SUN2: variants seen among roughly 807,000 people sequenced by gnomAD.
The protein encoded by SUN2 is SUN domain-containing protein 2.
In SUN2, 60 loss-of-function variants were observed where a neutral mutation model predicts 100.0. The observed-to-expected ratio is 0.60, with a 90% CI of 0.49 to 0.74. SUN2 has a LOEUF of 0.74. SUN2 is among the 30% of genes least tolerant of loss of function. The pLI is 0.00. For synonymous variants in SUN2, 367 were observed against 403.3 expected, an observed-to-expected ratio of 0.91 and a Z score of 1.08; for missense variants, 834 against 954.6, an observed-to-expected ratio of 0.87 and a Z score of 1.66.
In SUN2 at chr22:38,737,988, C is replaced by T; in HGVS notation, c.2040+185G>A. 1 of 715,352 alleles carries T rather than the reference C, an allele frequency of 1.4e-6. No individual in the cohort carries two copies. The highest frequency in any genetic ancestry group is 2.6e-6 in the Non-Finnish European group (1 of 385,330). 44.3% of individuals were successfully genotyped at this position (715,352 alleles called of 1,614,324 possible). Reference sequence around the variant, plus strand: ...ATGCTGCCCTTCTGGAAGGTGCCTTCCCCTGTGCTGACGTCTGCAGGATGC... The same window carrying T: ...ATGCTGCCCTTCTGGAAGGTGCCTTTCCCTGTGCTGACGTCTGCAGGATGC... On this transcript the variant is annotated intron_variant, in intron 17 of 17. Transcript: ENST00000689035. The surrounding 1 kb of genome is among the most constrained non-coding windows in gnomAD (Gnocchi z 4.1).
chr22:38,751,507 G>GCCATTCCCCTGACTCTC, intron 2 of SUN2, 134 bp from the exon 3 acceptor site: 1 of 880,882 alleles, frequency 1.1e-6, no homozygotes. Flanking sequence ...ACTCGCAGCT[G>GCCATTCCCCTGACTCTC]CCATTCCCCT....
chr22:38,753,739 C>A (rs1370956358), intron 1 of SUN2, among the ~76,000 whole-genome samples: 2 of 152,118 alleles, frequency 1.3e-5, no homozygotes, highest in South Asian at 4.2e-4. Flanking sequence ...TATCATTACT[C>A]CCATCTACAA....
Position 38,738,323 on chromosome 22 carries a change from C to T in SUN2, c.1948-58G>A. 2 of 1,440,192 alleles carry T rather than the reference C, an allele frequency of 1.4e-6. No homozygotes were observed. Among genetic ancestry groups the T allele is most frequent in the Non-Finnish European group, 9.7e-7 (1 of 1,033,844 alleles). The allele number at this position is 1,440,192 out of a possible 1,614,324, so 89.2% of individuals were successfully genotyped here. A position where few individuals can be genotyped will look rare whatever the true frequency, so the allele number is the denominator to read the frequency against. On this transcript the variant is annotated intron_variant, in intron 16 of 17. Coordinates refer to ENST00000689035, the MANE Select transcript of SUN2 (RefSeq NM_015374.3). This position sits in a 1 kb window ranked among gnomAD's most constrained non-coding sequence, Gnocchi z 6.6. ...CTGGAGCAGGGAGAACACCCCTCCC[C>T]ACTCCAATCCCTGCTCCTCCCACCC...
chr22:38,739,140 G>A lies in SUN2; in HGVS notation c.1664-152C>T. On this transcript the variant is annotated intron_variant, in intron 14 of 17. Coordinates refer to ENST00000689035, the MANE Select transcript of SUN2 (RefSeq NM_015374.3). The surrounding 1 kb of genome is among the most constrained non-coding windows in gnomAD (Gnocchi z 6.7). ...ATGCTCAGAGCAGCTTTAAAGGTCAGCCTCTCCCTGGCCCAGGATGGTACT... is the reference window on the plus strand; with the variant it reads ...ATGCTCAGAGCAGCTTTAAAGGTCAACCTCTCCCTGGCCCAGGATGGTACT... 1 of 931,738 alleles carries A rather than the reference G, an allele frequency of 1.1e-6. No homozygotes were observed. Among genetic ancestry groups the A allele is most frequent in the South Asian group, 1.5e-5 (1 of 65,500 alleles). 57.7% of individuals were successfully genotyped at this position (931,738 alleles called of 1,614,324 possible).
In SUN2 at chr22:38,736,147, G is replaced by A; in HGVS notation, c.*120C>T. ...CTGCCCGTCCTTTTCATCTGCATGG[G>A]GCCACAGGCTCCTCTCTTGTGCTCC... On this transcript the variant is annotated 3_prime_UTR_variant, in exon 18 of 18. Transcript: ENST00000689035. 1.0e-6 allele frequency: 1 copy of A among 980,780 alleles called. No homozygotes were observed. The highest frequency in any genetic ancestry group is 1.4e-5 in the South Asian group (1 of 73,896). 60.8% of individuals were successfully genotyped at this position (980,780 alleles called of 1,614,324 possible).
chr22:38,743,136 C>G (rs183867027), intron 8 of SUN2: 1 of 152,302 alleles, frequency 6.6e-6, no homozygotes, highest in East Asian at 1.9e-4. Flanking sequence ...GATAGTGTGT[C>G]ATGAATTTGA....
In SUN2 at chr22:38,739,631, C is replaced by T; in HGVS notation, c.1578+91G>A. 1 of 1,469,310 alleles carries T rather than the reference C, an allele frequency of 6.8e-7. No homozygotes were observed. The highest frequency in any genetic ancestry group is 9.4e-7 in the Non-Finnish European group (1 of 1,069,320). The allele number at this position is 1,469,310 out of a possible 1,614,324, so 91.0% of individuals were successfully genotyped here. A position where few individuals can be genotyped will look rare whatever the true frequency, so the allele number is the denominator to read the frequency against. ...CCTGCTTGGCACTTCCATCCTGGAA[C>T]CTGCCAGGGAGCTGGCAGTGTGGGA... On this transcript the variant is annotated intron_variant, in intron 13 of 17. Transcript: ENST00000689035. This position sits in a 1 kb window ranked among gnomAD's most constrained non-coding sequence, Gnocchi z 6.7.
intron 9 of SUN2, 66 bp downstream of exon 9, chr22:38,742,235 C>T: frequency 6.6e-7 from 1 of 1,516,448 alleles, no homozygotes. Flanking sequence ...CTCTCTGCTG[C>T]TGGGCACCTT....
intron 1 of SUN2, chr22:38,754,603 T>TCCCC: frequency 1.1e-6 from 1 of 889,146 alleles, no homozygotes; most frequent in South Asian, 1.4e-5. Context: ...TAAGGTAATC[T>TCCCC]CCCCTCCCCC....
In SUN2 at chr22:38,739,292, G is replaced by A; in HGVS notation, c.1663+50C>T. ...CAACCTGGTAGATGCCAGGGGACCG[G>A]CCATTGCGGGGTCCAGGACAAGGCA... On this transcript the variant is annotated intron_variant, in intron 14 of 17. Coordinates refer to ENST00000689035, the MANE Select transcript of SUN2 (RefSeq NM_015374.3). The surrounding 1 kb of genome is among the most constrained non-coding windows in gnomAD (Gnocchi z 6.7). The A allele has an allele frequency of 1.3e-6, 2 of 1,581,958 alleles. No homozygotes were observed. The highest frequency in any genetic ancestry group is 1.7e-6 in the Non-Finnish European group (2 of 1,151,912).
intron 8 of SUN2, 66 bp from the exon 9 acceptor site, chr22:38,742,621 C>T (rs2092869341): frequency 1.3e-6 from 2 of 1,533,160 alleles, no homozygotes; most frequent in Non-Finnish European, 1.8e-6. Context: ...CCAAAGACCA[C>T]CCCGACACAG....
chr22:38,740,908 T>C lies in SUN2; in HGVS notation c.1190+99A>G. 1 of 1,310,390 alleles carries C rather than the reference T, an allele frequency of 7.6e-7. No individual in the cohort carries two copies. Among genetic ancestry groups the C allele is most frequent in the Non-Finnish European group, 1.1e-6 (1 of 936,356 alleles). The allele number at this position is 1,310,390 out of a possible 1,614,324, so 81.2% of individuals were successfully genotyped here. ...CCCTACCATCTGCTTGGCAAGATGA[T>C]CAGAACTCTCTGCTCTGCGGCTCTG... On this transcript the variant is annotated intron_variant, in intron 11 of 17. Transcript: ENST00000689035. The surrounding 1 kb of genome is among the most constrained non-coding windows in gnomAD (Gnocchi z 4.8).
At position 38,750,393 on chromosome 22, in the gene SUN2, A is replaced by G. The variant is rs865906747; in HGVS notation, c.425-73T>C. ...CTTCCTTCACTGTCTTCTGTGAGCC[A>G]AGACCACAAGTCACCCACCCTCCTT... On this transcript the variant is annotated intron_variant, in intron 4 of 17. Coordinates refer to ENST00000689035, the MANE Select transcript of SUN2 (RefSeq NM_015374.3). 6.3e-6 allele frequency: 10 copies of G among 1,585,502 alleles called. No homozygotes were observed. In the Middle Eastern group the frequency reaches 1.0e-3, roughly 158 times the overall value.
At chr22:38,736,435 CAGAGA>C in intron 17 of SUN2, 55 bp from the exon 18 acceptor site, 2 of 1,461,092 alleles carry the variant, frequency 1.4e-6, no homozygotes, top group Non-Finnish European at 1.9e-6. Context: ...GCCTCACTGA[CAGAGA>C]AGGTGGGAAG....
In SUN2 at chr22:38,749,760, G is replaced by A. The variant is rs116680988; in HGVS notation, c.614+6C>T. 2,375 of 1,613,772 alleles carry A rather than the reference G, an allele frequency of 1.5e-3. 29 individuals are homozygous for A. In the African/African-American group the frequency reaches 0.028, roughly 19 times the overall value. On this transcript the variant is annotated splice_donor_region_variant and intron_variant, in intron 6 of 17. Coordinates refer to ENST00000689035, the MANE Select transcript of SUN2 (RefSeq NM_015374.3). ...GATTTATTGGCAAGGGTGGAGTCTC[G>A]CTCACCTGGTTAAAACGAAGACGTC...
In SUN2 at chr22:38,750,259, C is replaced by T. The variant is rs758870911; in HGVS notation, c.486G>A (p.Ala162=). The T allele has an allele frequency of 1.3e-5, 21 of 1,613,634 alleles. No homozygotes were observed. Among genetic ancestry groups the T allele is most frequent in the Admixed American group, 6.7e-5 (4 of 60,000 alleles). The stretch of plus-strand genomic sequence containing the variant: ...TGGCCACCATCCAGAGTAAGGAGCC[C>T]GCCCGTGAGACGGCGCTTCGGAGCC... The part of the protein sequence containing the change: ...SSRLRSAVSR[A]GSLLWMVATS... The change falls in exon 5 of 18, where the codon GCG becomes GCA. Residue 162 remains alanine, a synonymous_variant. Coordinates refer to ENST00000689035, the MANE Select transcript of SUN2 (RefSeq NM_015374.3).
At chr22:38,750,508 T>A (rs2092936980) in intron 4 of SUN2, 188 bp from the exon 5 acceptor site, 1 of 1,292,730 alleles carries the variant, frequency 7.7e-7, no homozygotes, top group Non-Finnish European at 1.1e-6. Flanking sequence ...CAGCTTCCTG[T>A]TTGCATCCCT....
chr22:38,749,713 T>C (rs1385492897), intron 6 of SUN2, 53 bp downstream of exon 6: 1 of 1,527,396 alleles, frequency 6.5e-7, no homozygotes, highest in East Asian at 2.3e-5. Flanking sequence ...ACTTTACCCG[T>C]CCCTTCACCC....
At chr22:38,747,034 AC>A (rs1051347053) in intron 7 of SUN2, among the ~76,000 whole-genome samples, 1 of 151,282 alleles carries the variant, frequency 6.6e-6, no homozygotes, top group African/African-American at 2.4e-5. Flanking sequence ...TCACACACAC[AC>A]AAAAAAGAAT....
Sources: gnomAD v4.1 joint callset for allele counts (sites outside exome capture counted in the v4.1 genomes callset) on GRCh38, gnomAD v4.1.1 for gene constraint, Gnocchi (gnomAD v3.1) non-coding constraint, MANE v1.5 for transcripts, NCBI Gene and HGNC (gene_info 2026-07-23, HGNC 2026-07-21) for gene names.